Variants in NCOA2 observed in about 807,000 individuals in gnomAD.
NCOA2 encodes the protein nuclear receptor coactivator 2, also known as class E basic helix-loop-helix protein 75.
In NCOA2, 21 loss-of-function variants were observed where a neutral mutation model predicts 145.1. The ratio of observed to expected loss-of-function variants is 0.14; its 90% CI spans 0.10 to 0.21. The LOEUF is 0.21. NCOA2 is among the 10% of genes least tolerant of loss of function. The pLI is 1.00. For synonymous variants in NCOA2, 619 were observed against 637.5 expected (o/e 0.97, Z 0.44); for missense variants, 1,472 against 1,837.6 (o/e 0.80, Z 3.64).
intron 4 of NCOA2, among the ~76,000 whole-genome samples, chr8:70,210,866 T>C (rs990478894): frequency 2.0e-4 from 31 of 152,200 alleles, no homozygotes; most frequent in African/African-American, 7.5e-4. Context: ...TATTACATAA[T>C]GGGCATGTTC....
chr8:70,256,844 G>A (rs1333806309), intron 2 of NCOA2, among the ~76,000 whole-genome samples: 2 of 152,130 alleles, frequency 1.3e-5, no homozygotes, highest in Non-Finnish European at 2.9e-5. Context: ...AAAACAGAGG[G>A]CACCTGTGCC....
chr8:70,348,193 T>C (rs946812024), intron 1 of NCOA2, among the ~76,000 whole-genome samples: 1 of 152,186 alleles, frequency 6.6e-6, no homozygotes, highest in African/African-American at 2.4e-5. Flanking sequence ...TCTAAGAGAT[T>C]ACCCTCGACA....
At chr8:70,127,628 T>G (rs889093755) in intron 18 of NCOA2, among the ~76,000 whole-genome samples, 1 of 152,184 alleles carries the variant, frequency 6.6e-6, no homozygotes, top group African/African-American at 2.4e-5. Context: ...GTGAGAGGCA[T>G]GAGGCTGCTA....
chr8:70,216,699 G>A lies in NCOA2; in HGVS notation c.47C>T (p.Thr16Ile), dbSNP rs981164863. ...GTCAGGACATTCCTTGCGCTTTCTT[G>A]TCTCTGCCCTGGAGGGGTCAGAGGT... is the stretch of plus-strand genomic sequence containing the variant. ...ENTSDPSRAE[T>I]RKRKECPDQL... is the part of the protein sequence containing the mutation. The change falls in exon 3 of 23, where the codon ACA becomes ATA. Residue 16 changes from threonine to isoleucine, a missense_variant. By Grantham distance (89) the Thr-to-Ile change is moderately conservative. Transcript: ENST00000452400. 9.3e-6 allele frequency: 15 copies of A among 1,613,630 alleles called. No individual in the cohort carries two copies. The highest frequency in any genetic ancestry group is 4.4e-5 in the South Asian group (4 of 91,080).
chr8:70,365,827 C>G (rs1371828088), intron 1 of NCOA2, among the ~76,000 whole-genome samples: 1 of 152,040 alleles, frequency 6.6e-6, no homozygotes, highest in Non-Finnish European at 1.5e-5. Context: ...GTAAATATGA[C>G]AATGAAAGAA....
intron 11 of NCOA2, among the ~76,000 whole-genome samples, chr8:70,152,218 T>TG (rs949794987): frequency 2.0e-5 from 3 of 152,236 alleles, no homozygotes; most frequent in Non-Finnish European, 4.4e-5. Flanking sequence ...TTCTACAAAA[T>TG]GAAAATCAGA....
chr8:70,206,832 G>GCCTC (rs1410970793), intron 4 of NCOA2, among the ~76,000 whole-genome samples: 2 of 152,170 alleles, frequency 1.3e-5, no homozygotes, highest in African/African-American at 4.8e-5. Context: ...TGTGTGGAGT[G>GCCTC]CCTCTCCTCA....
intron 2 of NCOA2, among the ~76,000 whole-genome samples, chr8:70,239,310 T>C (rs1056583594): frequency 5.3e-5 from 8 of 152,030 alleles, no homozygotes; most frequent in Non-Finnish European, 2.9e-5. Flanking sequence ...GATAAACATA[T>C]ACAACAACTT....
At chr8:70,268,757 T>A (rs1012430907) in intron 2 of NCOA2, among the ~76,000 whole-genome samples, 1 of 152,196 alleles carries the variant, frequency 6.6e-6, no homozygotes, top group African/African-American at 2.4e-5. Flanking sequence ...GCACCTAACA[T>A]GAATTCTGTA....
chr8:70,184,266 A>T (rs1786112721), intron 4 of NCOA2, among the ~76,000 whole-genome samples: 1 of 152,202 alleles, frequency 6.6e-6, no homozygotes, highest in Non-Finnish European at 1.5e-5. Flanking sequence ...ACTAGTCCAG[A>T]TTCTCATCTA....
intron 1 of NCOA2, among the ~76,000 whole-genome samples, chr8:70,304,171 A>G (rs967362997): frequency 1.3e-5 from 2 of 152,230 alleles, no homozygotes; most frequent in African/African-American, 2.4e-5. Context: ...CTGCATAACA[A>G]CATTTGTCAA....
At chr8:70,376,308 C>G (rs1178052671) in intron 1 of NCOA2, among the ~76,000 whole-genome samples, 3 of 152,048 alleles carry the variant, frequency 2.0e-5, no homozygotes, top group Non-Finnish European at 4.4e-5. Flanking sequence ...TCATATCTAA[C>G]TTTCTTGAGT....
chr8:70,132,950 C>T (rs1809315284), intron 15 of NCOA2, among the ~76,000 whole-genome samples: 1 of 152,150 alleles, frequency 6.6e-6, no homozygotes, highest in Admixed American at 6.5e-5. Flanking sequence ...CATCAACATG[C>T]AAATTATATT....
chr8:70,129,982 T>C (rs1396795761), intron 16 of NCOA2, among the ~76,000 whole-genome samples: 2 of 152,218 alleles, frequency 1.3e-5, no homozygotes, highest in Non-Finnish European at 2.9e-5. Flanking sequence ...AAGTTTTCTT[T>C]AGCTCAGCGT....
chr8:70,422,598 A>G, the NCOA2 span, among the ~76,000 whole-genome samples: 1 of 151,870 alleles, frequency 6.6e-6, no homozygotes, highest in African/African-American at 2.4e-5. Context: ...TTTGGTAGAG[A>G]CGTGGTCTTA....
At chr8:70,225,506 G>A (rs984235983) in intron 2 of NCOA2, among the ~76,000 whole-genome samples, 1 of 150,906 alleles carries the variant, frequency 6.6e-6, no homozygotes, top group African/African-American at 2.4e-5. Context: ...CCAAGATTGT[G>A]CCATTGCACT....
At chr8:70,171,726 G>A (rs1355223488) in intron 5 of NCOA2, among the ~76,000 whole-genome samples, 1 of 152,178 alleles carries the variant, frequency 6.6e-6, no homozygotes, top group Non-Finnish European at 1.5e-5. Flanking sequence ...ACAGTGGCAC[G>A]ATCATAGCTC....
the NCOA2 span, among the ~76,000 whole-genome samples, chr8:70,423,811 G>A: frequency 6.6e-6 from 1 of 152,068 alleles, no homozygotes; most frequent in Non-Finnish European, 1.5e-5. Flanking sequence ...CCCCAGATCT[G>A]TGCCAAGTGG....
chr8:70,418,370 T>C, the NCOA2 span, among the ~76,000 whole-genome samples: 1 of 152,170 alleles, frequency 6.6e-6, no homozygotes. Context: ...TCATTTACCA[T>C]AAAATGAGTT....
Sources: gnomAD v4.1 joint callset for allele counts (sites outside exome capture counted in the v4.1 genomes callset) on GRCh38, gnomAD v4.1.1 for gene constraint, MANE v1.5 for transcripts, NCBI Gene and HGNC (gene_info 2026-07-23, HGNC 2026-07-21) for gene names.